The following PUM1 variants were observed in gnomAD, a reference collection of about 807,000 sequenced individuals.
PUM1 encodes pumilio RNA binding family member 1.
In PUM1, 13 loss-of-function variants were observed where a neutral mutation model predicts 131.8. That is an observed-to-expected ratio of 0.10 (90% CI 0.06 to 0.16). The LOEUF (loss-of-function observed/expected upper bound fraction) is 0.16, where lower values mean the gene tolerates loss of function less well. PUM1 is among the 10% of genes least tolerant of loss of function. The probability of loss-of-function intolerance (pLI) is 1.00; values close to 1 mark genes in which losing one functional copy is unlikely to be tolerated. For missense variants in PUM1, 961 were observed against 1,512.4 expected (o/e 0.64, Z 6.05); for synonymous variants, 509 against 556.5 (o/e 0.91, Z 1.20).
intron 3 of PUM1, among the ~76,000 whole-genome samples, chr1:31,024,573 T>C (rs1461712156): frequency 6.6e-6 from 1 of 152,202 alleles, no homozygotes; most frequent in Non-Finnish European, 1.5e-5. Flanking sequence ...TACAATCCAT[T>C]TGTTGTAGAA....
chr1:31,006,078 A>G, intron 4 of PUM1, 47 bp from the exon 5 acceptor site: 1 of 1,475,650 alleles, frequency 6.8e-7, no homozygotes, highest in Non-Finnish European at 9.1e-7. Context: ...CAGAGGCTCA[A>G]ACAAATTATG....
At chr1:30,957,974 G>A (rs1557554238) in intron 14 of PUM1, among the ~76,000 whole-genome samples, 1 of 152,200 alleles carries the variant, frequency 6.6e-6, no homozygotes, top group Non-Finnish European at 1.5e-5. Context: ...TACGTTAATT[G>A]TCACATGGTT....
chr1:30,948,970 T>C, intron 17 of PUM1: 1 of 402,038 alleles, frequency 2.5e-6, no homozygotes, highest in Non-Finnish European at 5.0e-6. Context: ...CCAACATTCC[T>C]TTCTCCCTTC....
chr1:31,064,941 G>A (rs546110450), intron 1 of PUM1, among the ~76,000 whole-genome samples: 1 of 152,066 alleles, frequency 6.6e-6, no homozygotes, highest in Non-Finnish European at 1.5e-5. Context: ...ACCCCTCTTT[G>A]AGTGAAGAGA....
intron 18 of PUM1, among the ~76,000 whole-genome samples, 175 bp downstream of exon 18, chr1:30,945,171 C>A (rs759422936): frequency 5.3e-5 from 8 of 151,854 alleles, no homozygotes; most frequent in South Asian, 2.1e-4. Context: ...CAGTTCAAGG[C>A]TGTAGTGAGC....
rs375389114 is a variant in PUM1 at position 31,046,115 on chromosome 1, G to A, written c.363+13089C>T. On this transcript the variant is annotated intron_variant, in intron 2 of 21. Coordinates refer to ENST00000426105, the MANE Select transcript of PUM1 (RefSeq NM_001020658.2). ...TTAGAAAAAAAAAAGGGCTGGGGGCGGTAGCTCACGCCTGTAATCCCAGCA... is the reference window on the plus strand; with the variant it reads ...TTAGAAAAAAAAAAGGGCTGGGGGCAGTAGCTCACGCCTGTAATCCCAGCA... Among the ~76,000 whole-genome samples, 55 of 150,306 alleles carry A rather than the reference G, an allele frequency of 3.7e-4. No individual in the cohort carries two copies. In the South Asian group the frequency reaches 8.0e-3, roughly 22 times the overall value.
At chr1:30,963,544 C>G (rs1374662483) in intron 14 of PUM1, among the ~76,000 whole-genome samples, 1 of 152,216 alleles carries the variant, frequency 6.6e-6, no homozygotes, top group African/African-American at 2.4e-5. Flanking sequence ...AAAGCTATCA[C>G]TCCTAGGTCT....
intron 2 of PUM1, among the ~76,000 whole-genome samples, chr1:31,029,169 T>C (rs938847145): frequency 6.6e-6 from 1 of 152,260 alleles, no homozygotes; most frequent in Admixed American, 6.5e-5. Flanking sequence ...TACTTTTTAA[T>C]TTAATAAGAC....
chr1:30,948,667 C>T (rs1404906735), intron 17 of PUM1, among the ~76,000 whole-genome samples: 1 of 152,172 alleles, frequency 6.6e-6, no homozygotes, highest in Admixed American at 6.5e-5. Flanking sequence ...GGGAGGACCA[C>T]TTGAGCTCAG....
At chr1:31,044,270 G>A (rs6425697) in intron 2 of PUM1, among the ~76,000 whole-genome samples, 43,469 of 151,792 alleles carry the variant, frequency 0.29, 8,071 homozygotes, top group East Asian at 0.53. Flanking sequence ...GCGAGGTGGC[G>A]GGCGCCTGTA....
intron 15 of PUM1, among the ~76,000 whole-genome samples, 165 bp downstream of exon 15, chr1:30,953,549 C>T (rs1198549510): frequency 6.6e-6 from 1 of 152,136 alleles, no homozygotes; most frequent in African/African-American, 2.4e-5. Flanking sequence ...TCTTTGTGTT[C>T]ATGTTTGTTT....
intron 5 of PUM1, among the ~76,000 whole-genome samples, chr1:30,997,908 A>T (rs1322205438): frequency 6.7e-6 from 1 of 149,678 alleles, no homozygotes; most frequent in Non-Finnish European, 1.5e-5. Context: ...ACTTTCAGCC[A>T]CTAATTTACA....
chr1:31,001,298 A>C (rs1370986590), intron 5 of PUM1, among the ~76,000 whole-genome samples: 2 of 152,162 alleles, frequency 1.3e-5, no homozygotes, highest in Non-Finnish European at 2.9e-5. Flanking sequence ...GAACCCAGGA[A>C]GCAGAAGTTG....
At chr1:30,974,847 G>A (rs1641070956) in intron 9 of PUM1, 45 bp from the exon 10 acceptor site, 2 of 1,522,502 alleles carry the variant, frequency 1.3e-6, no homozygotes, top group Middle Eastern at 4.1e-4. Flanking sequence ...AACTACTGAG[G>A]CTCATCTCAG....
intron 14 of PUM1, among the ~76,000 whole-genome samples, chr1:30,957,024 A>G (rs1640193900): frequency 6.6e-6 from 1 of 150,520 alleles, no homozygotes; most frequent in Admixed American, 6.6e-5. Context: ...TTTACCGTGA[A>G]GTTTTGATTT....
At chr1:30,977,034 C>G (rs372872382) in intron 9 of PUM1, among the ~76,000 whole-genome samples, 1 of 152,184 alleles carries the variant, frequency 6.6e-6, no homozygotes, top group South Asian at 2.1e-4. Flanking sequence ...AGAAGTGTTA[C>G]CGATTTCAGA....
rs187553848 is a variant in PUM1 at position 31,063,074 on chromosome 1, C to T, written c.-12+2542G>A. Among the ~76,000 whole-genome samples, 233 of 152,186 alleles carry T rather than the reference C, an allele frequency of 1.5e-3. 2 individuals are homozygous for T. The highest frequency in any genetic ancestry group is 5.4e-3 in the African/African-American group (225 of 41,548). On this transcript the variant is annotated intron_variant, in intron 1 of 21. Coordinates refer to ENST00000426105, the MANE Select transcript of PUM1 (RefSeq NM_001020658.2). ...TCGGTCTTTCAAAAGTGCAAACCAG[C>T]CTAATGCCTCCCTGCTTGGTTTTTT...
chr1:30,974,856 A>T, intron 9 of PUM1, 54 bp from the exon 10 acceptor site: 1 of 1,461,114 alleles, frequency 6.8e-7, no homozygotes, highest in South Asian at 1.3e-5. Context: ...GGCTCATCTC[A>T]GCCTTTCCAA....
chr1:30,946,175 G>T (rs758830264), intron 17 of PUM1, among the ~76,000 whole-genome samples: 1 of 151,992 alleles, frequency 6.6e-6, no homozygotes, highest in Admixed American at 6.6e-5. Context: ...ACTTAGAAAA[G>T]AATTACATTC....
Sources: allele counts gnomAD v4.1 joint callset (sites outside exome capture counted in the v4.1 genomes callset), GRCh38; gene constraint gnomAD v4.1.1; transcripts MANE v1.5; gene names NCBI Gene and HGNC (gene_info 2026-07-23, HGNC 2026-07-21).